Variants in FGF14 observed in about 807,000 individuals in gnomAD.
FGF14 encodes the protein fibroblast growth factor homologous factor 4.
FGF14 carries 5 observed loss-of-function variants against 25.5 expected under a neutral mutation model. That is an observed-to-expected ratio of 0.20 (90% confidence interval 0.10 to 0.41). The LOEUF (loss-of-function observed/expected upper bound fraction) is 0.41, where lower values mean the gene tolerates loss of function less well. Ranked by LOEUF, FGF14 falls within the 10% of genes least tolerant of loss-of-function variation. The pLI, the probability that FGF14 is intolerant of heterozygous loss-of-function variation, is 1.00. For synonymous variants in FGF14, 138 were observed against 118.3 expected (o/e 1.17, Z -1.08); for missense variants, 222 against 320.1 (o/e 0.69, Z 2.34).
intron 1 of FGF14, among the ~76,000 whole-genome samples, chr13:102,226,839 C>A (rs1015484169): frequency 1.7e-4 from 26 of 152,148 alleles, no homozygotes; most frequent in African/African-American, 6.3e-4. Context: ...TTCAATTTAT[C>A]AGTTTAACCA....
At chr13:101,865,417 C>T (rs1422394123) in intron 3 of FGF14, among the ~76,000 whole-genome samples, 1 of 152,066 alleles carries the variant, frequency 6.6e-6, no homozygotes, top group African/African-American at 2.4e-5. Flanking sequence ...TTCTATTCTG[C>T]GTCCTTGTAG....
intron 1 of FGF14, among the ~76,000 whole-genome samples, chr13:102,350,376 T>TAA (rs11332521): frequency 7.3e-6 from 1 of 136,444 alleles, no homozygotes; most frequent in African/African-American, 2.7e-5. Context: ...CCTCTTTAAT[T>TAA]AAAAAAAAAA....
At chr13:101,870,943 C>A (rs1413692839) in intron 2 of FGF14, among the ~76,000 whole-genome samples, 3 of 151,744 alleles carry the variant, frequency 2.0e-5, no homozygotes, top group South Asian at 2.1e-4. Flanking sequence ...ATGAGCGAAA[C>A]TCCATCTCAA....
At chr13:101,914,764 T>C (rs948960683) in intron 1 of FGF14, among the ~76,000 whole-genome samples, 2 of 152,232 alleles carry the variant, frequency 1.3e-5, no homozygotes, top group Non-Finnish European at 2.9e-5. Flanking sequence ...ATTGTTTATA[T>C]TAAAATAAGC....
intron 1 of FGF14, among the ~76,000 whole-genome samples, chr13:101,969,249 T>G (rs955819843): frequency 2.0e-5 from 3 of 152,160 alleles, no homozygotes; most frequent in African/African-American, 7.2e-5. Context: ...GTCTGGTTAC[T>G]GGGGATTGAA....
intron 4 of FGF14, among the ~76,000 whole-genome samples, chr13:101,724,913 TAAC>T (rs1273982831): frequency 6.6e-6 from 1 of 151,872 alleles, no homozygotes; most frequent in East Asian, 1.9e-4. Flanking sequence ...CATATACACA[TAAC>T]AAATACATGA....
intron 1 of FGF14, among the ~76,000 whole-genome samples, chr13:102,333,492 A>G (rs1243167094): frequency 6.6e-6 from 1 of 152,156 alleles, no homozygotes; most frequent in African/African-American, 2.4e-5. Flanking sequence ...ACCGTTTCCT[A>G]TGGACTCACT....
chr13:101,725,296 G>C (rs931449059), intron 4 of FGF14, among the ~76,000 whole-genome samples: 8 of 151,968 alleles, frequency 5.3e-5, no homozygotes, highest in Admixed American at 2.0e-4. Context: ...GGGAGGAACA[G>C]GGAAATCCTC....
chr13:102,104,043 A>G (rs1410102137), intron 1 of FGF14, among the ~76,000 whole-genome samples: 2 of 152,176 alleles, frequency 1.3e-5, no homozygotes, highest in Non-Finnish European at 2.9e-5. Context: ...CTAAAAAAGG[A>G]TATCGAGCAG....
chr13:101,872,193 TA>T (rs1466941154), intron 2 of FGF14, among the ~76,000 whole-genome samples: 2 of 151,830 alleles, frequency 1.3e-5, no homozygotes, highest in East Asian at 4.0e-4. Flanking sequence ...TTGGTTTTTT[TA>T]AAATTATTTT....
chr13:102,050,356 T>C (rs1280527210), intron 1 of FGF14, among the ~76,000 whole-genome samples: 1 of 152,146 alleles, frequency 6.6e-6, no homozygotes, highest in African/African-American at 2.4e-5. Flanking sequence ...CTATATAGTT[T>C]TGGAGTCACA....
rs577366838 is a variant in FGF14, at chr13:102,023,103, TA to T, written c.209-147808del. On this transcript the variant is annotated intron_variant, in intron 1 of 4. Coordinates refer to the FGF14 transcript ENST00000376131. ...AGCCAACAGCCACACACAAAATACG[TA>T]ACATATCACCATTGCTAGGTAGTGT... 1.1e-4 allele frequency among the ~76,000 whole-genome samples: 16 copies of T among 150,264 alleles called. No homozygotes were observed. In the East Asian group the frequency reaches 3.2e-3, roughly 30 times the overall value.
At chr13:101,787,686 G>A (rs987242459) in intron 3 of FGF14, among the ~76,000 whole-genome samples, 2 of 152,056 alleles carry the variant, frequency 1.3e-5, no homozygotes, top group Admixed American at 6.6e-5. Context: ...CCTCCTACCC[G>A]GTGCCTCCAA....
intron 1 of FGF14, among the ~76,000 whole-genome samples, chr13:102,244,090 C>T (rs945467810): frequency 3.3e-5 from 5 of 152,044 alleles, no homozygotes; most frequent in Non-Finnish European, 7.4e-5. Flanking sequence ...AAAGCTTCCC[C>T]TAAATTCTAA....
chr13:101,948,525 A>G (rs1451036456), intron 1 of FGF14, among the ~76,000 whole-genome samples: 2 of 151,230 alleles, frequency 1.3e-5, no homozygotes, highest in African/African-American at 2.4e-5. Flanking sequence ...CTATGGGAAG[A>G]GCAGACTTCT....
chr13:102,013,331 A>G (rs1383054500), intron 1 of FGF14, among the ~76,000 whole-genome samples: 1 of 152,196 alleles, frequency 6.6e-6, no homozygotes, highest in Non-Finnish European at 1.5e-5. Context: ...GATCAATCAT[A>G]AGCCTTTCTG....
intron 1 of FGF14, among the ~76,000 whole-genome samples, chr13:101,895,668 A>G (rs960640004): frequency 2.0e-5 from 3 of 152,196 alleles, no homozygotes; most frequent in African/African-American, 7.2e-5. Context: ...GAATGCATCA[A>G]TTTGCAATGA....
At chr13:101,831,373 T>C (rs377542387) in intron 3 of FGF14, among the ~76,000 whole-genome samples, 2 of 151,964 alleles carry the variant, frequency 1.3e-5, no homozygotes, top group South Asian at 2.1e-4. Context: ...TGAGCCACCA[T>C]ACCCAACCTG....
chr13:102,193,555 G>T (rs1376319549), intron 1 of FGF14, among the ~76,000 whole-genome samples: 2 of 152,112 alleles, frequency 1.3e-5, no homozygotes, highest in East Asian at 3.9e-4. Flanking sequence ...GTTTTCAACT[G>T]CCTACCAGTA....
Sources: allele counts gnomAD v4.1 joint callset (sites outside exome capture counted in the v4.1 genomes callset), GRCh38; gene constraint gnomAD v4.1.1; transcripts MANE v1.5; gene names NCBI Gene and HGNC (gene_info 2026-07-23, HGNC 2026-07-21).